PTH2R: variants seen among roughly 807,000 people sequenced by gnomAD.
PTH2R encodes the protein PTH2 receptor.
Under a neutral mutation model 60.3 loss-of-function variants are expected in PTH2R, and 59 were observed. That is an observed-to-expected ratio of 0.98 (90% CI 0.79 to 1.22). The LOEUF is 1.22. Ranked by LOEUF, PTH2R falls within the 50% of genes most tolerant of loss-of-function variation. The pLI is 0.00. For synonymous variants in PTH2R, 256 were observed against 243.8 expected (o/e 1.05, Z -0.47); for missense variants, 749 against 682.6 (o/e 1.10, Z -1.08).
intron 1 of PTH2R, among the ~76,000 whole-genome samples, chr2:208,390,711 G>C (rs1280015106): frequency 1.3e-5 from 2 of 152,226 alleles, no homozygotes; most frequent in Non-Finnish European, 2.9e-5. Flanking sequence ...GGGTGCTACA[G>C]TATATAGTTC....
intron 1 of PTH2R, among the ~76,000 whole-genome samples, chr2:208,411,800 A>C (rs531394274): frequency 6.6e-6 from 1 of 152,274 alleles, no homozygotes; most frequent in South Asian, 2.1e-4. Flanking sequence ...TCCACTGTAA[A>C]ATAGGACTTA....
chr2:208,359,741 C>G (rs1245583345), exon 1 of PTH2R: 1 of 153,516 alleles, frequency 6.5e-6, no homozygotes, highest in Admixed American at 6.5e-5. Context: ...AGGTCCACTA[C>G]GTGAGGGGAG....
chr2:208,492,166 T>G (rs1013585887), intron 12 of PTH2R, among the ~76,000 whole-genome samples: 10 of 152,218 alleles, frequency 6.6e-5, no homozygotes, highest in African/African-American at 2.4e-4. Flanking sequence ...CTATTAAGAA[T>G]GCATTTGCAG....
At chr2:208,361,064 G>A in intron 1 of PTH2R, 1 of 200,738 alleles carries the variant, frequency 5.0e-6, no homozygotes. Context: ...ATGACACACA[G>A]CTGCCGCCCA....
chr2:208,401,066 G>C (rs1187460746), intron 1 of PTH2R, among the ~76,000 whole-genome samples: 5 of 152,170 alleles, frequency 3.3e-5, no homozygotes, highest in Non-Finnish European at 7.4e-5. Context: ...TTGTATTCCA[G>C]ATATCAGAAG....
exon 1 of PTH2R, chr2:208,360,017 C>G (rs531723553): frequency 1.8e-5 from 6 of 330,746 alleles, no homozygotes; most frequent in African/African-American, 1.3e-4. Context: ...AGTCCCTATC[C>G]ACCCACAGGT....
intron 1 of PTH2R, among the ~76,000 whole-genome samples, chr2:208,379,045 C>T (rs1027793271): frequency 2.6e-5 from 4 of 152,128 alleles, no homozygotes; most frequent in African/African-American, 9.7e-5. Context: ...CTAAAGATAG[C>T]TAGTGAAACA....
intron 1 of PTH2R, among the ~76,000 whole-genome samples, chr2:208,407,508 G>C (rs1701441519): frequency 6.6e-6 from 1 of 152,118 alleles, no homozygotes; most frequent in Non-Finnish European, 1.5e-5. Context: ...ATTTACCATC[G>C]CTTTTGAGAA....
At chr2:208,484,949 A>C (rs1026291685) in intron 10 of PTH2R, among the ~76,000 whole-genome samples, 3 of 152,164 alleles carry the variant, frequency 2.0e-5, no homozygotes, top group African/African-American at 7.2e-5. Flanking sequence ...TGTCATGCTG[A>C]GTGCCCTCCT....
chr2:208,437,675 T>G (rs781386611), intron 3 of PTH2R, 28 bp downstream of exon 3: 2 of 1,604,502 alleles, frequency 1.2e-6, no homozygotes, highest in South Asian at 1.1e-5. Flanking sequence ...AATGATTAAT[T>G]TAAAACAAAC....
intron 1 of PTH2R, among the ~76,000 whole-genome samples, chr2:208,385,288 A>G (rs1238032903): frequency 2.0e-5 from 3 of 152,240 alleles, no homozygotes; most frequent in African/African-American, 7.2e-5. Flanking sequence ...AAAAGTGAGC[A>G]GTAAGTGTGG....
At chr2:208,363,361 G>A (rs1385191838) in intron 1 of PTH2R, among the ~76,000 whole-genome samples, 3 of 152,212 alleles carry the variant, frequency 2.0e-5, no homozygotes, top group Non-Finnish European at 4.4e-5. Context: ...ACATGATTTC[G>A]TTCTTCTTAT....
chr2:208,398,290 ACATTTATCACTCCTTGG>A (rs1701249140), intron 1 of PTH2R, among the ~76,000 whole-genome samples: 1 of 152,246 alleles, frequency 6.6e-6, no homozygotes. Flanking sequence ...AAATAGAGTC[ACATTTATCACTCCTTGG>A]CATTTTCTTT....
chr2:208,431,631 A>G (rs982274015), intron 2 of PTH2R, among the ~76,000 whole-genome samples: 1 of 152,244 alleles, frequency 6.6e-6, no homozygotes, highest in Non-Finnish European at 1.5e-5. Flanking sequence ...AAATGTAGCC[A>G]AGAATGACAC....
intron 2 of PTH2R, among the ~76,000 whole-genome samples, chr2:208,433,827 TCATGGTTTGACAAGCTTCA>T (rs1702020262): frequency 1.3e-5 from 2 of 152,226 alleles, no homozygotes; most frequent in Admixed American, 1.3e-4. Context: ...TGTGTAAATG[TCATGGTTTGACAAGCTTCA>T]CTCATAATTA....
At chr2:208,434,182 C>T (rs993419567) in intron 2 of PTH2R, among the ~76,000 whole-genome samples, 5 of 151,820 alleles carry the variant, frequency 3.3e-5, no homozygotes, top group East Asian at 1.9e-4. Context: ...GGTGTGGTGG[C>T]GGGTGCCTGT....
chr2:208,398,478 G>T (rs1701251472), intron 1 of PTH2R, among the ~76,000 whole-genome samples: 1 of 152,122 alleles, frequency 6.6e-6, no homozygotes, highest in Admixed American at 6.5e-5. Flanking sequence ...TTGGTGATTT[G>T]GTGGATAATT....
chr2:208,392,325 C>T (rs1339725491), intron 1 of PTH2R, among the ~76,000 whole-genome samples: 2 of 152,118 alleles, frequency 1.3e-5, no homozygotes, highest in East Asian at 3.9e-4. Context: ...TTGAGGAGGC[C>T]TCTAATCTTT....
intron 9 of PTH2R, among the ~76,000 whole-genome samples, chr2:208,470,767 CTT>C (rs1457276867): frequency 6.6e-6 from 1 of 152,164 alleles, no homozygotes; most frequent in Non-Finnish European, 1.5e-5. Flanking sequence ...GTTTAAGTGA[CTT>C]TGGAACTGGG....
Sources: gnomAD v4.1 joint callset for allele counts (sites outside exome capture counted in the v4.1 genomes callset) on GRCh38, gnomAD v4.1.1 for gene constraint, MANE v1.5 for transcripts, NCBI Gene and HGNC (gene_info 2026-07-23, HGNC 2026-07-21) for gene names.